Variants in KCNJ6 observed in about 807,000 individuals in gnomAD.
The protein encoded by KCNJ6 is G protein-activated inward rectifier potassium channel 2.
A neutral mutation model predicts 34.2 loss-of-function variants in KCNJ6; 9 were observed. That is an observed-to-expected ratio of 0.26 (90% CI 0.16 to 0.46). KCNJ6 has a LOEUF of 0.46. KCNJ6 is among the 20% of genes least tolerant of loss of function. KCNJ6 has a pLI of 1.00. For missense variants in KCNJ6, 236 were observed against 531.3 expected, an observed-to-expected ratio of 0.44 and a Z score of 5.46; for synonymous variants, 196 against 207.1, an observed-to-expected ratio of 0.95 and a Z score of 0.46.
chr21:37,812,466 A>G (rs1283659847), intron 2 of KCNJ6, among the ~76,000 whole-genome samples: 2 of 152,242 alleles, frequency 1.3e-5, no homozygotes, highest in Non-Finnish European at 2.9e-5. Context: ...ACATTAAAAA[A>G]AGAAAACTAC....
intron 1 of KCNJ6, among the ~76,000 whole-genome samples, chr21:37,914,916 GT>G (rs11292118): frequency 0.33 from 48,079 of 144,476 alleles, 9,660 homozygotes; most frequent in African/African-American, 0.6. Context: ...GAGTTGTGGG[GT>G]TTTTTTTTTT....
intron 2 of KCNJ6, among the ~76,000 whole-genome samples, chr21:37,795,915 T>A (rs1308203745): frequency 6.6e-6 from 1 of 152,128 alleles, no homozygotes; most frequent in Non-Finnish European, 1.5e-5. Context: ...GTTAAGGAGT[T>A]TTCCTTAGCC....
At chr21:37,803,523 GTCTCT>G (rs1241582160) in intron 2 of KCNJ6, among the ~76,000 whole-genome samples, 1 of 152,122 alleles carries the variant, frequency 6.6e-6, no homozygotes, top group East Asian at 1.9e-4. Context: ...TGGCTTAAAA[GTCTCT>G]TCTTAGGACA....
intron 2 of KCNJ6, among the ~76,000 whole-genome samples, chr21:37,762,002 G>C (rs1249320005): frequency 6.6e-6 from 1 of 152,196 alleles, no homozygotes; most frequent in Non-Finnish European, 1.5e-5. Context: ...AGGAGTTGCT[G>C]ATCTGGTTTA....
chr21:37,661,614 GTTTTTTTTTTTT>G (rs59026391), intron 3 of KCNJ6, among the ~76,000 whole-genome samples: 5 of 71,172 alleles, frequency 7.0e-5, no homozygotes, highest in Non-Finnish European at 1.3e-4. Context: ...AAGAGACATA[GTTTTTTTTTTTT>G]TTTTTTTTTT....
intron 2 of KCNJ6, among the ~76,000 whole-genome samples, chr21:37,736,777 C>A (rs1215117862): frequency 6.6e-6 from 1 of 152,196 alleles, no homozygotes; most frequent in Non-Finnish European, 1.5e-5. Flanking sequence ...CGCTGACAAC[C>A]ATGCTTGAGG....
intron 2 of KCNJ6, among the ~76,000 whole-genome samples, chr21:37,732,642 C>T (rs1007602881): frequency 4.6e-5 from 7 of 152,176 alleles, no homozygotes; most frequent in South Asian, 2.1e-4. Flanking sequence ...TGGGTTCTCA[C>T]GACAGAGGAA....
chr21:37,654,696 T>G (rs979709181), intron 3 of KCNJ6, among the ~76,000 whole-genome samples: 5 of 152,206 alleles, frequency 3.3e-5, no homozygotes, highest in African/African-American at 9.7e-5. Flanking sequence ...ATTTCACTGA[T>G]GAGCAAATCT....
At chr21:37,716,583 A>ATGT (rs1476207833) in intron 2 of KCNJ6, among the ~76,000 whole-genome samples, 1 of 151,854 alleles carries the variant, frequency 6.6e-6, no homozygotes, top group East Asian at 1.9e-4. Context: ...GGGTCTCACT[A>ATGT]TGTTGCTCAG....
At chr21:37,824,070 T>G (rs1174200024) in intron 2 of KCNJ6, among the ~76,000 whole-genome samples, 1 of 152,220 alleles carries the variant, frequency 6.6e-6, no homozygotes, top group African/African-American at 2.4e-5. Context: ...ATATACAATT[T>G]TATTCATCCA....
intron 1 of KCNJ6, among the ~76,000 whole-genome samples, chr21:37,903,784 C>T (rs75387353): frequency 0.014 from 2,179 of 152,040 alleles, 54 homozygotes; most frequent in African/African-American, 0.05. Context: ...GATTCTTTAC[C>T]TGAAGAAAGA....
At chr21:37,870,796 T>C (rs2055647773) in intron 1 of KCNJ6, among the ~76,000 whole-genome samples, 1 of 152,230 alleles carries the variant, frequency 6.6e-6, no homozygotes, top group South Asian at 2.1e-4. Flanking sequence ...GGTGATCTGA[T>C]GATGCCATCG....
intron 2 of KCNJ6, among the ~76,000 whole-genome samples, chr21:37,781,083 A>C (rs933386390): frequency 2.0e-5 from 3 of 152,148 alleles, no homozygotes; most frequent in Non-Finnish European, 4.4e-5. Context: ...TCTATTGCAC[A>C]GCACACGCCG....
chr21:37,793,652 T>C (rs748876155), intron 2 of KCNJ6, among the ~76,000 whole-genome samples: 15 of 152,108 alleles, frequency 9.9e-5, no homozygotes, highest in Admixed American at 2.6e-4. Flanking sequence ...TTATTGCTTT[T>C]GGTCCTGGCA....
intron 3 of KCNJ6, among the ~76,000 whole-genome samples, chr21:37,628,157 C>T (rs1224867202): frequency 6.6e-6 from 1 of 152,094 alleles, no homozygotes; most frequent in Non-Finnish European, 1.5e-5. Context: ...AAGTATGTCC[C>T]ATACACAGGA....
intron 2 of KCNJ6, among the ~76,000 whole-genome samples, chr21:37,770,878 TTA>T (rs1420283155): frequency 6.6e-6 from 1 of 152,204 alleles, no homozygotes; most frequent in Non-Finnish European, 1.5e-5. Context: ...AATGCATCTG[TTA>T]TCACCTATTA....
chr21:37,714,112 G>T lies in KCNJ6; in HGVS notation c.946+99C>A. 1 of 841,966 alleles carries T rather than the reference G, an allele frequency of 1.2e-6. No homozygotes were observed. Among genetic ancestry groups the T allele is most frequent in the Non-Finnish European group, 1.9e-6 (1 of 519,316 alleles). The allele number at this position is 841,966 out of a possible 1,614,324, so 52.2% of individuals were successfully genotyped here. ...CAAGGGGATGTTGTCAATATTGAGT[G>T]AGGTTCAGTATTCTAGATCTTGTAA... is the stretch of plus-strand genomic sequence containing the variant. On this transcript the variant is annotated intron_variant, in intron 3 of 3. Transcript: ENST00000609713. The surrounding 1 kb of genome is among the most constrained non-coding windows in gnomAD (Gnocchi z 5.9).
At chr21:37,770,361 AT>A (rs58798005) in intron 2 of KCNJ6, among the ~76,000 whole-genome samples, 5,200 of 148,252 alleles carry the variant, frequency 0.035, 212 homozygotes, top group African/African-American at 0.1. Flanking sequence ...GAACTGCATG[AT>A]TTTTTTTTTT....
At position 37,721,265 on chromosome 21, in the gene KCNJ6, AAAG is replaced by A. The variant is rs1426581003; in HGVS notation, c.26-6137_26-6135del. On this transcript the variant is annotated intron_variant, in intron 2 of 3. Coordinates refer to ENST00000609713, the MANE Select transcript of KCNJ6 (RefSeq NM_002240.5). ...CTATTAGATGGTTATTATTTTAAAA[AAAG>A]AAAATAGCAAGTGTTGGCAGGATGT... Among the ~76,000 whole-genome samples, 4 of 152,368 alleles carry A rather than the reference AAAG, an allele frequency of 2.6e-5. No homozygotes were observed. The South Asian group carries it at 8.3e-4, about 32-fold the overall frequency.
Sources: gnomAD v4.1 joint callset for allele counts (sites outside exome capture counted in the v4.1 genomes callset) on GRCh38, gnomAD v4.1.1 for gene constraint, Gnocchi (gnomAD v3.1) non-coding constraint, MANE v1.5 for transcripts, NCBI Gene and HGNC (gene_info 2026-07-23, HGNC 2026-07-21) for gene names.